CIAO3: variants seen among roughly 807,000 people sequenced by gnomAD.
CIAO3 encodes cytosolic iron-sulfur assembly component 3, also known as LET1 like/JFP15.
Under a neutral mutation model 51.5 loss-of-function variants are expected in CIAO3, and 45 were observed. The ratio of observed to expected loss-of-function variants is 0.87; its 90% CI spans 0.69 to 1.12. CIAO3 has a LOEUF of 1.12. CIAO3 is among the 50% of genes most tolerant of loss of function. CIAO3 has a pLI of 0.00. For synonymous variants in CIAO3, 314 were observed against 269.3 expected (o/e 1.17, Z -1.63); for missense variants, 668 against 632.5 (o/e 1.06, Z -0.60).
intron 7 of CIAO3, chr16:732,644 C>CTT (rs36119940): frequency 6.5e-3 from 2,809 of 430,304 alleles, no homozygotes; most frequent in East Asian, 0.05. Context: ...GTCTGCTTTT[C>CTT]TTTTTTTTTT....
Position 737,006 on chromosome 16 carries a change from C to T in CIAO3, c.306+180G>A. ...TATATTTAGAACCTGAAGTTTGGGG[C>T]CTGACACGTTCACCACTGGAGCCCA... On this transcript the variant is annotated intron_variant, in intron 3 of 10. Transcript: ENST00000251588. This position sits in a 1 kb window ranked among gnomAD's most constrained non-coding sequence, Gnocchi z 5.3. 1.4e-6 allele frequency: 1 copy of T among 730,198 alleles called. No homozygotes were observed. The highest frequency in any genetic ancestry group is 2.6e-5 in the East Asian group (1 of 37,994). The allele number at this position is 730,198 out of a possible 1,614,324, so 45.2% of individuals were successfully genotyped here.
chr16:739,280 T>C (rs1013605186), intron 2 of CIAO3: 3 of 252,638 alleles, frequency 1.2e-5, no homozygotes, highest in African/African-American at 6.9e-5. Context: ...GCCTGGGCCA[T>C]CGAGGGAGAC....
rs773032696 is a variant in CIAO3, at chr16:730,520, G to A, written c.1328C>T (p.Thr443Ile). 1.2e-6 allele frequency: 2 copies of A among 1,610,716 alleles called. No homozygotes were observed. Among genetic ancestry groups the A allele is most frequent in the African/African-American group, 1.3e-5 (1 of 75,064 alleles). ...CGAGTCCGTGCCCTGCAGCCAGTGT[G>A]TGTACAGCTCCTGAACCCCAGGCGC... is the stretch of plus-strand genomic sequence containing the variant. ...EDAPGVQELY[T>I]HWLQGTDSEC... Residue 443 changes from threonine to isoleucine, a missense_variant, in exon 11 of 11, where the codon ACA (threonine) becomes ATA (isoleucine). Thr to Ile is a moderately conservative substitution (Grantham distance 89). Transcript: ENST00000251588.
At chr16:740,829 C>G in intron 1 of CIAO3, 91 bp downstream of exon 1, 2 of 1,327,136 alleles carry the variant, frequency 1.5e-6, no homozygotes, top group Non-Finnish European at 2.1e-6. Flanking sequence ...GATCTCATTC[C>G]TCAGGGGAGG....
At chr16:732,149 G>T in intron 8 of CIAO3, 152 bp downstream of exon 8, 1 of 793,758 alleles carries the variant, frequency 1.3e-6, no homozygotes, top group Non-Finnish European at 2.0e-6. Flanking sequence ...AAGTGCTGGG[G>T]TGACAGGCGT....
intron 1 of CIAO3, 154 bp downstream of exon 1, chr16:740,766 C>T: frequency 1.4e-6 from 1 of 701,408 alleles, no homozygotes; most frequent in Non-Finnish European, 2.3e-6. Flanking sequence ...TCTGAGGCCC[C>T]GCGCCCGGGT....
At position 737,717 on chromosome 16, in the gene CIAO3, G is replaced by T. The variant is rs1422354965; in HGVS notation, c.163-388C>A. ...GGCTCTGAAAGGAGGAGGCGGGAAA[G>T]CTGAGGACAAAGGAGGAAAGGACGA... On this transcript the variant is annotated intron_variant, in intron 2 of 10. Coordinates refer to ENST00000251588, the MANE Select transcript of CIAO3 (RefSeq NM_022493.3). This position sits in a 1 kb window ranked among gnomAD's most constrained non-coding sequence, Gnocchi z 5.3. 1.5e-6 allele frequency: 2 copies of T among 1,295,594 alleles called. No homozygotes were observed. Among genetic ancestry groups the T allele is most frequent in the Non-Finnish European group, 2.0e-6 (2 of 993,270 alleles). 80.3% of individuals were successfully genotyped at this position (1,295,594 alleles called of 1,614,324 possible).
At position 737,684 on chromosome 16, in the gene CIAO3, C is replaced by G. The variant is rs77297486; in HGVS notation, c.163-355G>C. 2.9e-3 allele frequency: 3,837 copies of G among 1,311,486 alleles called. 91 individuals are homozygous for G. The African/African-American group carries it at 0.052, about 18-fold the overall frequency. The allele number at this position is 1,311,486 out of a possible 1,614,324, so 81.2% of individuals were successfully genotyped here. ...ACAGGGCTGTAGGGCAGGAAAATGC[C>G]GAAGGTGGGCTCTGAAAGGAGGAGG... On this transcript the variant is annotated intron_variant, in intron 2 of 10. Transcript: ENST00000251588. This position sits in a 1 kb window ranked among gnomAD's most constrained non-coding sequence, Gnocchi z 5.3.
At position 736,236 on chromosome 16, in the gene CIAO3, C is replaced by T. The variant is rs369566124; in HGVS notation, c.439+30G>A. ...ACTCAGACGCCCCCTTGATTTGGAGCGGCAGTGTTACCCCAGGTTCAAAGC... is the reference window on the plus strand; with the variant it reads ...ACTCAGACGCCCCCTTGATTTGGAGTGGCAGTGTTACCCCAGGTTCAAAGC... On this transcript the variant is annotated intron_variant, in intron 4 of 10. Transcript: ENST00000251588. The T allele has an allele frequency of 1.7e-4, 268 of 1,610,928 alleles. 1 individual carries two copies. The highest frequency in any genetic ancestry group is 2.1e-4 in the Non-Finnish European group (253 of 1,178,872).
At position 736,247 on chromosome 16, in the gene CIAO3, C is replaced by A. The variant is rs777805440; in HGVS notation, c.439+19G>T. The A allele has an allele frequency of 3.1e-6, 5 of 1,611,998 alleles. No individual in the cohort carries two copies. Among genetic ancestry groups the A allele is most frequent in the African/African-American group, 2.7e-5 (2 of 74,892 alleles). ...CCCTTGATTTGGAGCGGCAGTGTTACCCCAGGTTCAAAGCCTACCTATTTT... is the reference window on the plus strand; with the variant it reads ...CCCTTGATTTGGAGCGGCAGTGTTAACCCAGGTTCAAAGCCTACCTATTTT... On this transcript the variant is annotated intron_variant, in intron 4 of 10. Transcript: ENST00000251588.
In CIAO3 at chr16:731,048, C is replaced by A. The variant is rs201810964; in HGVS notation, c.1035-48G>T. 7 of 1,602,632 alleles carry A rather than the reference C, an allele frequency of 4.4e-6. No individual in the cohort carries two copies. In the African/African-American group the frequency reaches 9.4e-5, roughly 21 times the overall value. On this transcript the variant is annotated intron_variant, in intron 9 of 10. Coordinates refer to ENST00000251588, the MANE Select transcript of CIAO3 (RefSeq NM_022493.3). Reference sequence around the variant, plus strand: ...GTCTACATGGCACACCCACCAGGCTCCTGCCTGCCTGGAAGGGGAGGCCTG... The same window carrying A: ...GTCTACATGGCACACCCACCAGGCTACTGCCTGCCTGGAAGGGGAGGCCTG...
chr16:740,896 C>T, intron 1 of CIAO3, 24 bp downstream of exon 1: 1 of 1,526,848 alleles, frequency 6.5e-7, no homozygotes, highest in Non-Finnish European at 8.8e-7. Context: ...GCAGCCTCGA[C>T]CCCGCCCGCC....
At chr16:731,144 G>A in intron 9 of CIAO3, 144 bp from the exon 10 acceptor site, 1 of 1,066,418 alleles carries the variant, frequency 9.4e-7, no homozygotes, top group South Asian at 1.6e-5. Flanking sequence ...GGAAGGACAA[G>A]AACGGAGAGA....
At position 737,814 on chromosome 16, in the gene CIAO3, C is replaced by G; in HGVS notation, c.163-485G>C. ...CTCCGGTGGGCGGGGCAGAAACAACCGTCAGACTCGCCAAACAGATGCAGG... is the reference window on the plus strand; with the variant it reads ...CTCCGGTGGGCGGGGCAGAAACAACGGTCAGACTCGCCAAACAGATGCAGG... On this transcript the variant is annotated intron_variant, in intron 2 of 10. Coordinates refer to ENST00000251588, the MANE Select transcript of CIAO3 (RefSeq NM_022493.3). This position sits in a 1 kb window ranked among gnomAD's most constrained non-coding sequence, Gnocchi z 5.3. The G allele has an allele frequency of 1.7e-6, 2 of 1,193,340 alleles. No homozygotes were observed. The highest frequency in any genetic ancestry group is 3.7e-4 in the Middle Eastern group (1 of 2,668). The allele number at this position is 1,193,340 out of a possible 1,614,324, so 73.9% of individuals were successfully genotyped here.
In CIAO3 at chr16:737,834, T is replaced by C. The variant is rs1277605204; in HGVS notation, c.163-505A>G. The C allele has an allele frequency of 7.6e-6, 9 of 1,187,778 alleles. No individual in the cohort carries two copies. The highest frequency in any genetic ancestry group is 9.6e-6 in the Non-Finnish European group (9 of 940,138). 73.6% of individuals were successfully genotyped at this position (1,187,778 alleles called of 1,614,324 possible). A position where few individuals can be genotyped will look rare whatever the true frequency, so the allele number is the denominator to read the frequency against. On this transcript the variant is annotated intron_variant, in intron 2 of 10. Coordinates refer to ENST00000251588, the MANE Select transcript of CIAO3 (RefSeq NM_022493.3). This position sits in a 1 kb window ranked among gnomAD's most constrained non-coding sequence, Gnocchi z 5.3. ...ACAACCGTCAGACTCGCCAAACAGA[T>C]GCAGGAACAAGGTGTTCCAGTCGGG...
At chr16:731,125 TG>T in intron 9 of CIAO3, 125 bp from the exon 10 acceptor site, 1 of 1,237,800 alleles carries the variant, frequency 8.1e-7, no homozygotes, top group Non-Finnish European at 1.1e-6. Context: ...CCCTCTCTCC[TG>T]GGCAGAGGGA....
In CIAO3 at chr16:730,469, G is replaced by A. The variant is rs765277097; in HGVS notation, c.1379C>T (p.Thr460Met). The change falls in exon 11 of 11, where the codon ACG (threonine) becomes ATG (methionine). Residue 460 changes from threonine (T) to methionine (M), a missense_variant. Physicochemically the swap from Thr to Met is moderately conservative, Grantham distance 81. Transcript: ENST00000251588. Reference sequence around the variant, plus strand: ...GGCCTTCTCCACGGCGTGGTACTGCGTATGCAGCAAGCGACCTGCACACTC... The same window carrying A: ...GGCCTTCTCCACGGCGTGGTACTGCATATGCAGCAAGCGACCTGCACACTC... The part of the protein sequence containing the change: ...DSECAGRLLH[T>M]QYHAVEKAST... 8.1e-6 allele frequency: 13 copies of A among 1,607,696 alleles called. No individual in the cohort carries two copies. The highest frequency in any genetic ancestry group is 1.6e-4 in the Middle Eastern group (1 of 6,084).
chr16:737,451 G>A lies in CIAO3; in HGVS notation c.163-122C>T, dbSNP rs945745414. The A allele has an allele frequency of 2.4e-5, 38 of 1,553,388 alleles. No individual in the cohort carries two copies. In the African/African-American group the frequency reaches 2.9e-4, roughly 12 times the overall value. ...TGGCTGCTGGCTGGGCTTGTGTGCCGCTGAATTTTTAAAAATTAGGTATGT... is the reference window on the plus strand; with the variant it reads ...TGGCTGCTGGCTGGGCTTGTGTGCCACTGAATTTTTAAAAATTAGGTATGT... On this transcript the variant is annotated intron_variant, in intron 2 of 10. Coordinates refer to ENST00000251588, the MANE Select transcript of CIAO3 (RefSeq NM_022493.3). This position sits in a 1 kb window ranked among gnomAD's most constrained non-coding sequence, Gnocchi z 5.3.
intron 4 of CIAO3, 75 bp from the exon 5 acceptor site, chr16:734,946 C>A: frequency 6.8e-7 from 1 of 1,462,098 alleles, no homozygotes; most frequent in Non-Finnish European, 9.0e-7. Flanking sequence ...GTGTGGACCA[C>A]CATGGTGCTG....
Sources: allele counts gnomAD v4.1 joint callset, GRCh38; gene constraint gnomAD v4.1.1; non-coding constraint Gnocchi (gnomAD v3.1); transcripts MANE v1.5; gene names NCBI Gene and HGNC (gene_info 2026-07-23, HGNC 2026-07-21).